The following GLRX5 variants were observed in gnomAD, a reference collection of about 807,000 sequenced individuals.
GLRX5 encodes glutaredoxin-related protein 5, mitochondrial.
GLRX5 carries 10 observed loss-of-function variants against 13.8 expected under a neutral mutation model. The ratio of observed to expected loss-of-function variants is 0.72; its 90% CI spans 0.45 to 1.23. GLRX5 has a LOEUF of 1.23. Ranked by LOEUF, GLRX5 falls within the 50% of genes most tolerant of loss-of-function variation. The pLI is 0.00. For synonymous variants in GLRX5, 98 were observed against 101.1 expected (o/e 0.97, Z 0.18); for missense variants, 233 against 215.2 (o/e 1.08, Z -0.52).
chr14:95,543,213 C>A (rs780962567), intron 1 of GLRX5: 2 of 455,936 alleles, frequency 4.4e-6, no homozygotes, highest in South Asian at 1.5e-5. Context: ...CCAGTCACTT[C>A]GGGTTCTGCA....
intron 1 of GLRX5, among the ~76,000 whole-genome samples, chr14:95,536,338 G>C (rs1432430350): frequency 6.6e-6 from 1 of 152,192 alleles, no homozygotes; most frequent in African/African-American, 2.4e-5. Flanking sequence ...AACTGGGAAG[G>C]CTGTACCTTT....
rs898354325 is a variant in GLRX5, at chr14:95,539,982, C to T, written c.296-3965C>T. Among the ~76,000 whole-genome samples, 8 of 152,064 alleles carry T rather than the reference C, an allele frequency of 5.3e-5. No individual in the cohort carries two copies. The East Asian group carries it at 5.8e-4, about 11-fold the overall frequency. On this transcript the variant is annotated intron_variant, in intron 1 of 1. Transcript: ENST00000331334. ...TCGGCTCACTGCCACCCCTGCCTCC[C>T]GGGTTCAAGCGATTCTCCTGCCTCA...
Position 95,544,158 on chromosome 14 carries a change from G to A in GLRX5, c.*33G>A, listed in dbSNP as rs376333063. 7 of 1,589,820 alleles carry A rather than the reference G, an allele frequency of 4.4e-6. No homozygotes were observed. The African/African-American group carries it at 9.4e-5, about 21-fold the overall frequency. ...CAAGTCCTCGCTGAGCAGAGAGGGA[G>A]CCGTTCATGTCAGAGACTCACTGCC... On this transcript the variant is annotated 3_prime_UTR_variant, in exon 2 of 2. Coordinates refer to ENST00000331334, the MANE Select transcript of GLRX5 (RefSeq NM_016417.3).
intron 1 of GLRX5, among the ~76,000 whole-genome samples, chr14:95,539,206 C>A (rs1204720803): frequency 6.6e-6 from 1 of 152,224 alleles, no homozygotes; most frequent in Admixed American, 6.5e-5. Context: ...CTTCCCTGGT[C>A]CGTGGAAAAA....
rs554961847 is a variant in GLRX5 at position 95,535,074 on chromosome 14, C to T, written c.-16C>T. The T allele has an allele frequency of 5.2e-4, 692 of 1,336,230 alleles. 4 individuals carry two copies. The African/African-American group carries it at 9.3e-3, about 18-fold the overall frequency. The allele number at this position is 1,336,230 out of a possible 1,614,324, so 82.8% of individuals were successfully genotyped here. Reference sequence around the variant, plus strand: ...TGTGGGCCCGGGCCGTCGTGGGCTCCGGCTTGCGTGCGGAGATGAGCGGGT... The same window carrying T: ...TGTGGGCCCGGGCCGTCGTGGGCTCTGGCTTGCGTGCGGAGATGAGCGGGT... On this transcript the variant is annotated 5_prime_UTR_variant, in exon 1 of 2. Transcript: ENST00000331334.
chr14:95,535,512 C>T, intron 1 of GLRX5, 128 bp downstream of exon 1: 2 of 913,590 alleles, frequency 2.2e-6, no homozygotes. Context: ...TCTGAAGGTT[C>T]GAGCCGGGTT....
At chr14:95,540,978 C>T (rs925298606) in intron 1 of GLRX5, among the ~76,000 whole-genome samples, 3 of 152,142 alleles carry the variant, frequency 2.0e-5, no homozygotes, top group African/African-American at 4.8e-5. Flanking sequence ...GCATTAGATG[C>T]GTGTAAACTG....
rs566587573 is a variant in GLRX5, at chr14:95,538,206, G to A, written c.295+2822G>A. Among the ~76,000 whole-genome samples, 6 of 152,112 alleles carry A rather than the reference G, an allele frequency of 3.9e-5. No homozygotes were observed. The South Asian group carries it at 1.0e-3, about 26-fold the overall frequency. ...CACTGCCTGTGGTGCTGTGTGTACC[G>A]CTTATGCAAAGCAAGCTTTCAGTGA... On this transcript the variant is annotated intron_variant, in intron 1 of 1. Coordinates refer to ENST00000331334, the MANE Select transcript of GLRX5 (RefSeq NM_016417.3).
intron 1 of GLRX5, among the ~76,000 whole-genome samples, chr14:95,542,218 T>G (rs1891485329): frequency 1.3e-5 from 2 of 152,252 alleles, no homozygotes; most frequent in Admixed American, 1.3e-4. Flanking sequence ...AACATCACCA[T>G]GATGAACAAC....
Position 95,542,200 on chromosome 14 carries a change from G to A in GLRX5, c.296-1747G>A, listed in dbSNP as rs544191893. 7.9e-5 allele frequency among the ~76,000 whole-genome samples: 12 copies of A among 152,326 alleles called. 1 individual carries two copies. The South Asian group carries it at 2.5e-3, about 32-fold the overall frequency. Reference sequence around the variant, plus strand: ...ATTATGCTAGTTGTTTTTGTTGATGGAGCATCAAACATCACCATGATGAAC... The same window carrying A: ...ATTATGCTAGTTGTTTTTGTTGATGAAGCATCAAACATCACCATGATGAAC... On this transcript the variant is annotated intron_variant, in intron 1 of 1. Transcript: ENST00000331334.
chr14:95,543,678 C>G, intron 1 of GLRX5: 1 of 366,754 alleles, frequency 2.7e-6, no homozygotes, highest in Non-Finnish European at 5.0e-6. Context: ...AAAAAAAAAA[C>G]CTTGGGAGAT....
chr14:95,541,328 A>G (rs1038183565), intron 1 of GLRX5, among the ~76,000 whole-genome samples: 3 of 152,226 alleles, frequency 2.0e-5, no homozygotes, highest in African/African-American at 7.2e-5. Context: ...TATTATTATT[A>G]GGAGTTTCTC....
In GLRX5 at chr14:95,544,095, A is replaced by T; in HGVS notation, c.444A>T (p.Leu148Phe). Residue 148 changes from leucine to phenylalanine, a missense_variant, in exon 2 of 2, where the codon TTA becomes TTT. By Grantham distance (22) the Leu-to-Phe change is conservative (BLOSUM62 0). Transcript: ENST00000331334. The part of the protein sequence containing the change: ...LKKLGIHSAL[L>F]DEKKDQDSK ...AGCTGGGGATCCACTCCGCCCTTTT[A>T]GATGAAAAGAAAGACCAAGACTCCA... The T allele has an allele frequency of 6.2e-7, 1 of 1,614,144 alleles. No homozygotes were observed. The highest frequency in any genetic ancestry group is 8.5e-7 in the Non-Finnish European group (1 of 1,179,998).
chr14:95,535,303 G>T lies in GLRX5; in HGVS notation c.214G>T (p.Ala72Ser), dbSNP rs1193272975. ...PEQPQCGFSNAVVQILRLHGV... is the reference protein window; with the variant it reads ...PEQPQCGFSNSVVQILRLHGV... The stretch of plus-strand genomic sequence containing the variant: ...GCAGCCCCAGTGCGGCTTCAGCAAC[G>T]CCGTGGTGCAGATCCTGCGGCTGCA... The change falls in exon 1 of 2, where the codon GCC (alanine) becomes TCC (serine). Residue 72 changes from alanine (A) to serine (S), a missense_variant. Transcript: ENST00000331334. The T allele has an allele frequency of 3.8e-6, 6 of 1,561,226 alleles. No individual in the cohort carries two copies. The highest frequency in any genetic ancestry group is 5.2e-6 in the Non-Finnish European group (6 of 1,153,256).
intron 1 of GLRX5, among the ~76,000 whole-genome samples, chr14:95,538,607 A>C (rs1891420662): frequency 6.6e-6 from 1 of 152,182 alleles, no homozygotes; most frequent in African/African-American, 2.4e-5. Context: ...AACTATCAGT[A>C]CCCAGTCAAG....
In GLRX5 at chr14:95,544,118, C is replaced by T. The variant is rs1190129427; in HGVS notation, c.467C>T (p.Ser156Phe). 4 of 1,613,852 alleles carry T rather than the reference C, an allele frequency of 2.5e-6. No individual in the cohort carries two copies. Among genetic ancestry groups the T allele is most frequent in the Non-Finnish European group, 8.5e-7 (1 of 1,179,836 alleles). Residue 156 changes from serine to phenylalanine, a missense_variant, in exon 2 of 2, where the codon TCC becomes TTC. By Grantham distance (155) the Ser-to-Phe change is radical. Transcript: ENST00000331334. ...ALLDEKKDQD[S>F]K ...TTAGATGAAAAGAAAGACCAAGACT[C>T]CAAGTGAGGGCGGCCAAGTCCTCGC...
intron 1 of GLRX5, among the ~76,000 whole-genome samples, chr14:95,537,682 C>T (rs1434227892): frequency 2.0e-5 from 3 of 152,254 alleles, no homozygotes; most frequent in Non-Finnish European, 4.4e-5. Context: ...AGGAACGGAG[C>T]TCTTGCAAAA....
intron 1 of GLRX5, among the ~76,000 whole-genome samples, chr14:95,537,237 A>G (rs8010978): frequency 0.93 from 141,570 of 152,300 alleles, 65,997 homozygotes; most frequent in African/African-American, 0.97. Context: ...TAAACGGAAA[A>G]TAGGAGCAAA....
Position 95,535,261 on chromosome 14 carries a change from C to T in GLRX5, c.172C>T (p.Leu58Phe), listed in dbSNP as rs1891342803. Residue 58 changes from leucine (L) to phenylalanine (F), a missense_variant, in exon 1 of 2, where the codon CTC (leucine) becomes TTC (phenylalanine). Leu to Phe is a conservative substitution (Grantham distance 22, BLOSUM62 0). Transcript: ENST00000331334. ...GAAGAAGGACAAGGTGGTGGTCTTC[C>T]TCAAGGGGACGCCGGAGCAGCCCCA... ...LVKKDKVVVFLKGTPEQPQCG... is the reference protein window; with the variant it reads ...LVKKDKVVVFFKGTPEQPQCG... 2 of 1,571,656 alleles carry T rather than the reference C, an allele frequency of 1.3e-6. No individual in the cohort carries two copies. The highest frequency in any genetic ancestry group is 1.7e-6 in the Non-Finnish European group (2 of 1,160,384).
Sources: gnomAD v4.1 joint callset for allele counts (sites outside exome capture counted in the v4.1 genomes callset) on GRCh38, gnomAD v4.1.1 for gene constraint, MANE v1.5 for transcripts, NCBI Gene and HGNC (gene_info 2026-07-23, HGNC 2026-07-21) for gene names.